GDF10: variants seen among roughly 807,000 people sequenced by gnomAD.
GDF10 encodes the protein growth differentiation factor 10.
Under a neutral mutation model 32.1 loss-of-function variants are expected in GDF10, and 23 were observed. The observed-to-expected ratio is 0.72, with a 90% CI of 0.52 to 1.02. The LOEUF is 1.02. Among genes scored for constraint, GDF10 ranks in the 50% least tolerant of loss-of-function variants. The probability of loss-of-function intolerance (pLI) is 0.00; values close to 1 mark genes in which losing one functional copy is unlikely to be tolerated. For missense variants in GDF10, 764 were observed against 673.9 expected, an observed-to-expected ratio of 1.13 and a Z score of -1.48; for synonymous variants, 328 against 303.1, an observed-to-expected ratio of 1.08 and a Z score of -0.85.
In GDF10 at chr10:47,310,400, G is replaced by A. The variant is rs782624523; in HGVS notation, c.924G>A (p.Glu308=). 2.5e-6 allele frequency: 4 copies of A among 1,610,000 alleles called. 1 individual carries two copies. The African/African-American group carries it at 5.3e-5, about 22-fold the overall frequency. The part of the protein sequence containing the change: ...LQDNELPGLD[E]RPPRAHAQHF... Reference sequence around the variant, plus strand: ...ACAACGAGCTGCCGGGGCTGGATGAGAGGCCGCCGCGCGCCCACGCACAGC... The same window carrying A: ...ACAACGAGCTGCCGGGGCTGGATGAAAGGCCGCCGCGCGCCCACGCACAGC... Residue 308 remains glutamate (E), a synonymous_variant, in exon 2 of 3, where the codon GAG becomes GAA. Transcript: ENST00000580279.
In GDF10 at chr10:47,300,455, G is replaced by A. The variant is rs2853839; in HGVS notation, c.-197G>A. 0.73 allele frequency: 374,862 copies of A among 510,150 alleles called. 138,965 individuals are homozygous for A. Among genetic ancestry groups the A allele is most frequent in the Admixed American group, 0.79 (18,524 of 23,596 alleles). The allele number at this position is 510,150 out of a possible 1,614,324, so 31.6% of individuals were successfully genotyped here. A position where few individuals can be genotyped will look rare whatever the true frequency, so the allele number is the denominator to read the frequency against. ...TGACCGCTGGCCGGGGGCTCGGGCCGCCGGTACCCACGGACCGCGCGCCCG... is the reference window on the plus strand; with the variant it reads ...TGACCGCTGGCCGGGGGCTCGGGCCACCGGTACCCACGGACCGCGCGCCCG... On this transcript the variant is annotated 5_prime_UTR_variant, in exon 1 of 3. Transcript: ENST00000580279.
At chr10:47,310,914 T>C (rs949683249) in intron 2 of GDF10, among the ~76,000 whole-genome samples, 193 bp downstream of exon 2, 4 of 152,192 alleles carry the variant, frequency 2.6e-5, no homozygotes. Flanking sequence ...CGCCCACATA[T>C]GTGTGAGTTT....
Position 47,310,457 on chromosome 10 carries a change from C to T in GDF10, c.981C>T (p.Pro327=), listed in dbSNP as rs376290482. The change falls in exon 2 of 3, where the codon CCC becomes CCT. Residue 327 remains proline (P), a synonymous_variant. Coordinates refer to ENST00000580279, the MANE Select transcript of GDF10 (RefSeq NM_004962.5). ...ACAAGCACCAGCTGTGGCCCAGCCC[C>T]TTCCGGGCGCTGAAACCCCGGCCAG... ...HFHKHQLWPS[P]FRALKPRPGR... is the part of the protein sequence containing the mutation. 2.0e-5 allele frequency: 33 copies of T among 1,613,520 alleles called. No homozygotes were observed. Among genetic ancestry groups the T allele is most frequent in the Non-Finnish European group, 2.8e-5 (33 of 1,179,774 alleles).
rs1356422201 is a variant in GDF10, at chr10:47,300,365, G to A, written c.-287G>A. 1 of 336,086 alleles carries A rather than the reference G, an allele frequency of 3.0e-6. No homozygotes were observed. The highest frequency in any genetic ancestry group is 4.6e-5 in the East Asian group (1 of 21,620). The allele number at this position is 336,086 out of a possible 1,614,324, so 20.8% of individuals were successfully genotyped here. On this transcript the variant is annotated 5_prime_UTR_variant, in exon 1 of 3. Transcript: ENST00000580279. ...GCAGTGGGCTACAAACTTTCGCGGC[G>A]CGAGTCCGCCAAGGCAGCGCGCCGA... is the stretch of plus-strand genomic sequence containing the variant.
intron 1 of GDF10, among the ~76,000 whole-genome samples, chr10:47,303,500 A>G (rs2061011749): frequency 6.6e-6 from 1 of 151,936 alleles, no homozygotes; most frequent in South Asian, 2.1e-4. Context: ...TCCCCTCCTT[A>G]TAGGATTTTT....
Position 47,310,419 on chromosome 10 carries a change from G to A in GDF10, c.943G>A (p.Ala315Thr), listed in dbSNP as rs1299797813. Residue 315 changes from alanine to threonine, a missense_variant, in exon 2 of 3, where the codon GCA (alanine) becomes ACA (threonine). Coordinates refer to ENST00000580279, the MANE Select transcript of GDF10 (RefSeq NM_004962.5). ...GLDERPPRAH[A>T]QHFHKHQLWP... ...GGATGAGAGGCCGCCGCGCGCCCACGCACAGCACTTCCACAAGCACCAGCT... is the reference window on the plus strand; with the variant it reads ...GGATGAGAGGCCGCCGCGCGCCCACACACAGCACTTCCACAAGCACCAGCT... 7 of 1,612,114 alleles carry A rather than the reference G, an allele frequency of 4.3e-6. No homozygotes were observed. The highest frequency in any genetic ancestry group is 5.9e-6 in the Non-Finnish European group (7 of 1,179,616).
At chr10:47,308,877 G>A (rs1463262348) in intron 1 of GDF10, among the ~76,000 whole-genome samples, 5 of 152,140 alleles carry the variant, frequency 3.3e-5, no homozygotes, top group Admixed American at 2.0e-4. Flanking sequence ...ATGTTTAGGC[G>A]ATTCAAACCT....
intron 1 of GDF10, among the ~76,000 whole-genome samples, chr10:47,305,578 C>A (rs2061020602): frequency 6.6e-6 from 1 of 152,336 alleles, no homozygotes; most frequent in Admixed American, 6.5e-5. Context: ...TCACTGATTG[C>A]CCTAGTGGCT....
intron 1 of GDF10, among the ~76,000 whole-genome samples, chr10:47,307,453 G>A (rs1289182572): frequency 6.6e-6 from 1 of 152,208 alleles, no homozygotes; most frequent in Non-Finnish European, 1.5e-5. Flanking sequence ...ATTTCAGGTT[G>A]AGGTCCCTTC....
Position 47,300,692 on chromosome 10 carries a change from C to T in GDF10, c.41C>T (p.Pro14Leu). ...GCTCGGACCAGCCCGGGACCCGGGCCCCAGCTGCTGCTGCTGCTGCTGCCG... is the reference window on the plus strand; with the variant it reads ...GCTCGGACCAGCCCGGGACCCGGGCTCCAGCTGCTGCTGCTGCTGCTGCCG... ...VPARTSPGPGPQLLLLLLPLF... is the reference protein window; with the variant it reads ...VPARTSPGPGLQLLLLLLPLF... The change falls in exon 1 of 3, where the codon CCC (proline) becomes CTC (leucine). Residue 14 changes from proline to leucine, a missense_variant. Pro to Leu is a moderately conservative substitution (Grantham distance 98). Transcript: ENST00000580279. 1.9e-6 allele frequency: 3 copies of T among 1,602,564 alleles called. No individual in the cohort carries two copies. The highest frequency in any genetic ancestry group is 2.7e-5 in the African/African-American group (2 of 74,004).
Position 47,300,441 on chromosome 10 carries a change from C to G in GDF10, c.-211C>G, listed in dbSNP as rs2060999123. 2 of 502,116 alleles carry G rather than the reference C, an allele frequency of 4.0e-6. No individual in the cohort carries two copies. The highest frequency in any genetic ancestry group is 3.0e-5 in the South Asian group (1 of 33,670). 31.1% of individuals were successfully genotyped at this position (502,116 alleles called of 1,614,324 possible). On this transcript the variant is annotated 5_prime_UTR_variant, in exon 1 of 3. Transcript: ENST00000580279. Reference sequence around the variant, plus strand: ...GCTCCGGACGGCTGTGACCGCTGGCCGGGGGCTCGGGCCGCCGGTACCCAC... The same window carrying G: ...GCTCCGGACGGCTGTGACCGCTGGCGGGGGGCTCGGGCCGCCGGTACCCAC...
intron 1 of GDF10, among the ~76,000 whole-genome samples, chr10:47,308,008 A>C (rs1351945458): frequency 1.3e-5 from 2 of 152,180 alleles, no homozygotes; most frequent in Non-Finnish European, 2.9e-5. Flanking sequence ...TGGGGAAAGC[A>C]AGGTTCAGGG....
intron 1 of GDF10, among the ~76,000 whole-genome samples, chr10:47,306,345 G>A (rs2061023013): frequency 6.6e-6 from 1 of 152,262 alleles, no homozygotes; most frequent in African/African-American, 2.4e-5. Flanking sequence ...TCTTTGTAAA[G>A]AATGAGGATT....
In GDF10 at chr10:47,309,008, G is replaced by T. The variant is rs149165711; in HGVS notation, c.320-788G>T. Among the ~76,000 whole-genome samples the T allele has an allele frequency of 6.6e-5, 10 of 152,304 alleles. No homozygotes were observed. The East Asian group carries it at 1.9e-3, about 29-fold the overall frequency. On this transcript the variant is annotated intron_variant, in intron 1 of 2. Transcript: ENST00000580279. ...ACCAGGCAAATAGGAAGGAGTGGCC[G>T]GCAGCCCCAGGGAAGCCGGAGCTGG...
In GDF10 at chr10:47,310,471, A is replaced by G. The variant is rs1275885696; in HGVS notation, c.995A>G (p.Lys332Arg). The change falls in exon 2 of 3, where the codon AAA becomes AGA. Residue 332 changes from lysine (K) to arginine (R), a missense_variant. By Grantham distance (26) the Lys-to-Arg change is conservative (BLOSUM62 2). Transcript: ENST00000580279. ...QLWPSPFRALKPRPGRKDRRK... is the reference protein window; with the variant it reads ...QLWPSPFRALRPRPGRKDRRK... ...TGGCCCAGCCCCTTCCGGGCGCTGA[A>G]ACCCCGGCCAGGGCGCAAAGACCGC... 7 of 1,613,606 alleles carry G rather than the reference A, an allele frequency of 4.3e-6. No homozygotes were observed. Among genetic ancestry groups the G allele is most frequent in the Non-Finnish European group, 5.9e-6 (7 of 1,179,750 alleles).
chr10:47,310,915 G>A (rs1565749308), intron 2 of GDF10, among the ~76,000 whole-genome samples, 194 bp downstream of exon 2: 2 of 152,216 alleles, frequency 1.3e-5, no homozygotes, highest in Non-Finnish European at 2.9e-5. Context: ...GCCCACATAT[G>A]TGTGAGTTTG....
chr10:47,310,637 C>T lies in GDF10; in HGVS notation c.1161C>T (p.Asp387=), dbSNP rs1555207685. The T allele has an allele frequency of 1.9e-6, 3 of 1,614,142 alleles. No individual in the cohort carries two copies. The change falls in exon 2 of 3, where the codon GAC becomes GAT. Residue 387 remains aspartate, a synonymous_variant. Transcript: ENST00000580279. The stretch of plus-strand genomic sequence containing the variant: ...GGTACCTGAAGGTGGACTTCGCAGA[C>T]ATCGGCTGGAATGAATGGATAATCT... ...SRRYLKVDFA[D]IGWNEWIISP... is the part of the protein sequence containing the mutation.
rs2061000811 is a variant in GDF10, at chr10:47,300,698, T to TGCA, written c.49_50insAGC (p.Leu16_Leu17insGln). On this transcript the variant is annotated inframe_insertion, in exon 1 of 3. Coordinates refer to ENST00000580279, the MANE Select transcript of GDF10 (RefSeq NM_004962.5). ...ACCAGCCCGGGACCCGGGCCCCAGC[T>TGCA]GCTGCTGCTGCTGCTGCCGTTGTTT... 1.9e-6 allele frequency: 3 copies of TGCA among 1,544,410 alleles called. No homozygotes were observed. The highest frequency in any genetic ancestry group is 2.6e-6 in the Non-Finnish European group (3 of 1,136,308).
chr10:47,304,394 GGAGA>G (rs1439993457), intron 1 of GDF10, among the ~76,000 whole-genome samples: 1 of 151,824 alleles, frequency 6.6e-6, no homozygotes, highest in African/African-American at 2.4e-5. Flanking sequence ...AAGGAGAGAG[GGAGA>G]GAGAGGGAGG....
Sources: gnomAD v4.1 joint callset for allele counts (sites outside exome capture counted in the v4.1 genomes callset) on GRCh38, gnomAD v4.1.1 for gene constraint, MANE v1.5 for transcripts, NCBI Gene and HGNC (gene_info 2026-07-23, HGNC 2026-07-21) for gene names.